The following HSP90AA1 variants were observed in gnomAD, a reference collection of about 807,000 sequenced individuals.
The protein encoded by HSP90AA1 is heat shock protein 90 alpha family class A member 1, also known as heat shock protein HSP 90-alpha.
Under a neutral mutation model 73.3 loss-of-function variants are expected in HSP90AA1, and 18 were observed. The observed-to-expected ratio is 0.25, with a 90% confidence interval of 0.17 to 0.36. HSP90AA1 has a LOEUF of 0.36. Among genes scored for constraint, HSP90AA1 ranks in the 10% least tolerant of loss-of-function variants. The pLI, the probability that HSP90AA1 is intolerant of heterozygous loss-of-function variation, is 1.00. For missense variants in HSP90AA1, 704 were observed against 874.2 expected (o/e 0.81, Z 2.45); for synonymous variants, 477 against 296.9 (o/e 1.61, Z -6.24).
rs2152611471 is a variant in HSP90AA1, at chr14:102,084,674, C to T, written c.981+7G>A. The stretch of plus-strand genomic sequence containing the variant: ...GGACAAGCTTGAAGCACCCATCAGT[C>T]ACTCACCTTCACTGCCAAGTGATCT... On this transcript the variant is annotated splice_region_variant and intron_variant, in intron 5 of 10. Transcript: ENST00000216281. 1 of 1,613,766 alleles carries T rather than the reference C, an allele frequency of 6.2e-7. No individual in the cohort carries two copies.
intron 9 of HSP90AA1, 38 bp downstream of exon 9, chr14:102,082,996 A>G (rs749552640): frequency 1.8e-5 from 29 of 1,593,842 alleles, no homozygotes; most frequent in Non-Finnish European, 2.4e-5. Context: ...AAAGCACCTT[A>G]GAAGTATCAA....
At chr14:102,127,674 C>A (rs905496134) in intron 1 of HSP90AA1, among the ~76,000 whole-genome samples, 2 of 151,996 alleles carry the variant, frequency 1.3e-5, no homozygotes, top group Admixed American at 6.6e-5. Flanking sequence ...TTTTTTGAGT[C>A]AAGGTCTTGT....
upstream of HSP90AA1, among the ~76,000 whole-genome samples, chr14:102,090,829 A>T (rs545850535): frequency 3.9e-5 from 6 of 152,308 alleles, no homozygotes; most frequent in East Asian, 9.7e-4. Flanking sequence ...TCCCACAGTG[A>T]TGTTGCTGTT....
intron 1 of HSP90AA1, among the ~76,000 whole-genome samples, chr14:102,129,507 T>C (rs2049880478): frequency 6.9e-6 from 1 of 144,918 alleles, no homozygotes. Context: ...TACATTCCTT[T>C]TTTTTTTTTT....
chr14:102,098,350 T>TG (rs1402423630), intron 2 of HSP90AA1, among the ~76,000 whole-genome samples: 15 of 150,272 alleles, frequency 1.0e-4, no homozygotes, highest in African/African-American at 3.7e-4. Flanking sequence ...TTAGTAGAAA[T>TG]GGGGTTTCAC....
chr14:102,087,263 TCGCCGCCGCGCGCCTCTCGCA>T, upstream of HSP90AA1: 5 of 548,892 alleles, frequency 9.1e-6, no homozygotes, highest in Non-Finnish European at 1.2e-5. Flanking sequence ...CTTCCCTCAA[TCGCCGCCGCGCGCCTCTCGCA>T]CGCCCCCGCG....
chr14:102,082,065 C>T, intron 10 of HSP90AA1, 46 bp downstream of exon 10: 1 of 1,282,116 alleles, frequency 7.8e-7, no homozygotes, highest in Non-Finnish European at 1.1e-6. Flanking sequence ...TCTTCAATGT[C>T]ACGTGTGTTT....
At chr14:102,102,758 C>T (rs766330612) in intron 1 of HSP90AA1, among the ~76,000 whole-genome samples, 3 of 152,064 alleles carry the variant, frequency 2.0e-5, no homozygotes, top group Admixed American at 1.3e-4. Context: ...CACTCAAGGC[C>T]GGGAGTGGTG....
chr14:102,122,693 A>C (rs572841596), intron 1 of HSP90AA1, among the ~76,000 whole-genome samples: 99 of 151,604 alleles, frequency 6.5e-4, no homozygotes, highest in African/African-American at 2.3e-3. Context: ...TTTGAGACAG[A>C]GTCTCACTCT....
exon 2 of HSP90AA1, chr14:102,101,892 T>A (rs770128351): frequency 6.2e-7 from 1 of 1,613,872 alleles, no homozygotes; most frequent in East Asian, 2.2e-5. Context: ...CTAAGCAATA[T>A]AAATGGCTGC....
chr14:102,107,626 C>T (rs1214298292), intron 1 of HSP90AA1, among the ~76,000 whole-genome samples: 1 of 152,012 alleles, frequency 6.6e-6, no homozygotes, highest in Non-Finnish European at 1.5e-5. Context: ...CCTAGCCTAG[C>T]CCCTGGTTTT....
At chr14:102,127,567 AG>A (rs1267635794) in intron 1 of HSP90AA1, among the ~76,000 whole-genome samples, 2 of 152,086 alleles carry the variant, frequency 1.3e-5, no homozygotes, top group African/African-American at 2.4e-5. Flanking sequence ...TATTTATTTG[AG>A]GGGGTAGGAG....
chr14:102,138,359 T>C (rs1036078298), intron 1 of HSP90AA1, among the ~76,000 whole-genome samples: 2 of 152,202 alleles, frequency 1.3e-5, no homozygotes, highest in African/African-American at 2.4e-5. Flanking sequence ...AACACAGTTA[T>C]GGAGTTTGGG....
At chr14:102,088,116 A>G (rs2049293982), upstream of HSP90AA1, among the ~76,000 whole-genome samples, 1 of 150,872 alleles carries the variant, frequency 6.6e-6, no homozygotes, top group Non-Finnish European at 1.5e-5. Context: ...AGGCGCGGAC[A>G]CCACACCTGT....
chr14:102,083,747 A>AAAAC, intron 7 of HSP90AA1, 46 bp downstream of exon 7: 1 of 1,595,136 alleles, frequency 6.3e-7, no homozygotes, highest in Non-Finnish European at 8.5e-7. Flanking sequence ...AAAAAAAAAA[A>AAAAC]AAACTAAAGA....
rs747544355 is a variant in HSP90AA1, at chr14:102,083,211, A to G, written c.1578T>C (p.Asp526=). ...LEVIYMIEPI[D]EYCVQQLKEF... The stretch of plus-strand genomic sequence containing the variant: ...CCTTCAGCTGTTGGACACAGTACTC[A>G]TCAATGGGCTCAATCATATAGATCA... The change falls in exon 9 of 11, where the codon GAT becomes GAC. Residue 526 remains aspartate, a synonymous_variant. Transcript: ENST00000216281. 2 of 1,614,154 alleles carry G rather than the reference A, an allele frequency of 1.2e-6. No homozygotes were observed. Among genetic ancestry groups the G allele is most frequent in the East Asian group, 2.2e-5 (1 of 44,886 alleles).
At chr14:102,096,179 T>C (rs1200645539) in intron 2 of HSP90AA1, among the ~76,000 whole-genome samples, 3 of 152,134 alleles carry the variant, frequency 2.0e-5, no homozygotes, top group African/African-American at 7.2e-5. Context: ...CCAGGGGACC[T>C]GGTAATTTAA....
chr14:102,101,838 T>A, intron 2 of HSP90AA1: 2 of 1,541,682 alleles, frequency 1.3e-6, no homozygotes, highest in Non-Finnish European at 1.8e-6. Context: ...TAGCTAGAAA[T>A]GTTTAGGATA....
Position 102,083,489 on chromosome 14 carries a change from C to A in HSP90AA1, c.1486+57G>T, listed in dbSNP as rs77971024. 2,644 of 1,550,542 alleles carry A rather than the reference C, an allele frequency of 1.7e-3. 42 individuals are homozygous for A. The African/African-American group carries it at 0.032, about 19-fold the overall frequency. Reference sequence around the variant, plus strand: ...GCTACCTGAGTAGAAAACACACCCACAGAGCCTACAAGATTGTAAGAACGA... The same window carrying A: ...GCTACCTGAGTAGAAAACACACCCAAAGAGCCTACAAGATTGTAAGAACGA... On this transcript the variant is annotated intron_variant, in intron 8 of 10. Coordinates refer to ENST00000216281, the MANE Select transcript of HSP90AA1 (RefSeq NM_005348.4).
Sources: gnomAD v4.1 joint callset for allele counts (sites outside exome capture counted in the v4.1 genomes callset) on GRCh38, gnomAD v4.1.1 for gene constraint, MANE v1.5 for transcripts, NCBI Gene and HGNC (gene_info 2026-07-23, HGNC 2026-07-21) for gene names.